TMEM9: variants seen among roughly 807,000 people sequenced by gnomAD.
The protein encoded by TMEM9 is proton-transporting V-type ATPase complex assembly regulator TMEM9.
A neutral mutation model predicts 22.8 loss-of-function variants in TMEM9; 13 were observed. That is an observed-to-expected ratio of 0.57 (90% CI 0.37 to 0.91). The LOEUF (loss-of-function observed/expected upper bound fraction) is 0.91, where lower values mean the gene tolerates loss of function less well. TMEM9 is among the 40% of genes least tolerant of loss of function. The pLI, the probability that TMEM9 is intolerant of heterozygous loss-of-function variation, is 0.01. For synonymous variants in TMEM9, 88 were observed against 93.0 expected (o/e 0.95, Z 0.31); for missense variants, 182 against 238.1 (o/e 0.76, Z 1.55).
chr1:201,161,474 C>T (rs1665946166), intron 1 of TMEM9, among the ~76,000 whole-genome samples: 2 of 152,060 alleles, frequency 1.3e-5, no homozygotes, highest in Non-Finnish European at 2.9e-5. Flanking sequence ...TAGCATTTTT[C>T]AAAATACACT....
At chr1:201,145,203 C>T (rs567454096) in intron 3 of TMEM9, 1 of 152,356 alleles carries the variant, frequency 6.6e-6, no homozygotes, top group East Asian at 1.9e-4. Flanking sequence ...GGGGGAAACA[C>T]GAGGGATTAG....
upstream of TMEM9, among the ~76,000 whole-genome samples, chr1:201,157,377 C>T (rs1307982896): frequency 6.6e-6 from 1 of 152,174 alleles, no homozygotes; most frequent in African/African-American, 2.4e-5. Context: ...GTGAACATGC[C>T]TGGCCCCCCG....
rs1486598255 is a variant in TMEM9 at position 201,154,076 on chromosome 1, C to G, written c.-153G>C. ...GGGTTGGGGGCTGGGCTCCAGGATT[C>G]CAAGGCCTGCTAAACCTGGTCGCCA... On this transcript the variant is annotated 5_prime_UTR_variant, in exon 1 of 5. Coordinates refer to ENST00000367330, the MANE Select transcript of TMEM9 (RefSeq NM_001288565.2). 3.4e-6 allele frequency: 3 copies of G among 885,156 alleles called. No individual in the cohort carries two copies. Among genetic ancestry groups the G allele is most frequent in the African/African-American group, 1.7e-5 (1 of 58,550 alleles). The allele number at this position is 885,156 out of a possible 1,614,324, so 54.8% of individuals were successfully genotyped here.
At chr1:201,165,458 G>A (rs1186179823) in intron 1 of TMEM9, among the ~76,000 whole-genome samples, 1 of 141,162 alleles carries the variant, frequency 7.1e-6, no homozygotes, top group African/African-American at 2.6e-5. Flanking sequence ...TTTTTTTTGA[G>A]ACAGAGTCTT....
intron 4 of TMEM9, among the ~76,000 whole-genome samples, chr1:201,140,357 C>T (rs751919233): frequency 7.9e-5 from 12 of 152,198 alleles, no homozygotes; most frequent in Non-Finnish European, 1.6e-4. Flanking sequence ...CTCTGTTTGC[C>T]GTTTCTGCCC....
chr1:201,158,385 T>G (rs1665856075), upstream of TMEM9, among the ~76,000 whole-genome samples: 1 of 141,354 alleles, frequency 7.1e-6, no homozygotes, highest in Non-Finnish European at 1.5e-5. Flanking sequence ...TGGGCAAAAT[T>G]TGAGGCACAA....
At position 201,135,365 on chromosome 1, in the gene TMEM9, CA is replaced by C. The variant is rs1452774420; in HGVS notation, c.*297del. The C allele has an allele frequency of 1.6e-5, 4 of 255,634 alleles. No individual in the cohort carries two copies. The highest frequency in any genetic ancestry group is 8.9e-5 in the African/African-American group (4 of 44,902). The allele number at this position is 255,634 out of a possible 1,614,324, so 15.8% of individuals were successfully genotyped here. ...GCGGCAAGAGTGGAGCCAGGAGAGACAGATCGCATCCACTCCTGAGGCCGCC... is the reference window on the plus strand; with the variant it reads ...GCGGCAAGAGTGGAGCCAGGAGAGACGATCGCATCCACTCCTGAGGCCGCC... On this transcript the variant is annotated 3_prime_UTR_variant, in exon 5 of 5. Transcript: ENST00000367330.
chr1:201,138,536 C>T (rs562658075), intron 4 of TMEM9, among the ~76,000 whole-genome samples: 11 of 152,228 alleles, frequency 7.2e-5, no homozygotes, highest in South Asian at 2.1e-4. Context: ...CCGGTTAACT[C>T]GGGAGCAGAA....
At chr1:201,150,485 T>C (rs960617467) in intron 2 of TMEM9, among the ~76,000 whole-genome samples, 2 of 152,210 alleles carry the variant, frequency 1.3e-5, no homozygotes, top group Admixed American at 1.3e-4. Flanking sequence ...CGTACATACT[T>C]AACACAGAAA....
intron 3 of TMEM9, 53 bp from the exon 4 acceptor site, chr1:201,144,004 A>T (rs1664754040): frequency 6.2e-7 from 1 of 1,601,228 alleles, no homozygotes. Flanking sequence ...CAGGGCTAGA[A>T]ATCCGTTGCT....
chr1:201,138,235 C>A (rs1480201488), intron 4 of TMEM9, among the ~76,000 whole-genome samples: 1 of 152,198 alleles, frequency 6.6e-6, no homozygotes, highest in Admixed American at 6.5e-5. Flanking sequence ...CCAGGGAGAG[C>A]CCAGAGCACA....
chr1:201,152,011 G>C (rs192140299), intron 1 of TMEM9, among the ~76,000 whole-genome samples, 159 bp from the exon 2 acceptor site: 1 of 152,298 alleles, frequency 6.6e-6, no homozygotes. Flanking sequence ...ATCCAGCAAG[G>C]ACTGCCACTG....
chr1:201,150,937 G>A (rs535244112), intron 2 of TMEM9, among the ~76,000 whole-genome samples: 6 of 152,218 alleles, frequency 3.9e-5, no homozygotes, highest in East Asian at 1.9e-4. Context: ...CTCCAAGAAC[G>A]GAGCTTCCTG....
intron 4 of TMEM9, among the ~76,000 whole-genome samples, chr1:201,140,678 C>T (rs1004701723): frequency 2.6e-5 from 4 of 152,222 alleles, no homozygotes; most frequent in African/African-American, 9.6e-5. Context: ...GATCTCACCC[C>T]TAACTGGGTC....
upstream of TMEM9, among the ~76,000 whole-genome samples, chr1:201,156,514 C>T (rs1011235936): frequency 2.6e-5 from 4 of 152,178 alleles, no homozygotes; most frequent in Non-Finnish European, 5.9e-5. Flanking sequence ...CTTCCCCACC[C>T]CATCTCATCA....
In TMEM9 at chr1:201,146,792, T is replaced by C. The variant is rs781323655; in HGVS notation, c.215A>G (p.Tyr72Cys). The C allele has an allele frequency of 3.1e-6, 5 of 1,614,220 alleles. No individual in the cohort carries two copies. The highest frequency in any genetic ancestry group is 1.3e-5 in the African/African-American group (1 of 75,060). Reference sequence around the variant, plus strand: ...GTACCTGCACTCGCACAGCAGGCAGTAGGCCTCCACGTCATGGCCAGGCAC... The same window carrying C: ...GTACCTGCACTCGCACAGCAGGCAGCAGGCCTCCACGTCATGGCCAGGCAC... ...MPVPGHDVEA[Y>C]CLLCECRYEE... The change falls in exon 3 of 5, where the codon TAC (tyrosine) becomes TGC (cysteine). Residue 72 changes from tyrosine to cysteine, a missense_variant. Transcript: ENST00000367330.
At chr1:201,144,098 G>A (rs1664762569) in intron 3 of TMEM9, 147 bp from the exon 4 acceptor site, 3 of 785,780 alleles carry the variant, frequency 3.8e-6, no homozygotes, top group Non-Finnish European at 6.1e-6. Context: ...TGGGCTCAGA[G>A]GGAAAGCATG....
intron 1 of TMEM9, among the ~76,000 whole-genome samples, chr1:201,165,485 G>A (rs1666053260): frequency 6.6e-6 from 1 of 150,808 alleles, no homozygotes; most frequent in Admixed American, 6.6e-5. Context: ...TCGCCAGGCT[G>A]GAGTGCAATG....
intron 3 of TMEM9, among the ~76,000 whole-genome samples, chr1:201,145,973 C>CA (rs997814749): frequency 1.1e-4 from 17 of 152,040 alleles, no homozygotes; most frequent in African/African-American, 3.6e-4. Flanking sequence ...AAAAAACAAA[C>CA]AAAAAAAGAA....
Sources: allele counts gnomAD v4.1 joint callset (sites outside exome capture counted in the v4.1 genomes callset), GRCh38; gene constraint gnomAD v4.1.1; transcripts MANE v1.5; gene names NCBI Gene and HGNC (gene_info 2026-07-23, HGNC 2026-07-21).